The following NCKAP5 variants were observed in gnomAD, a reference collection of about 807,000 sequenced individuals.
NCKAP5 encodes nck-associated protein 5.
Under a neutral mutation model 167.0 loss-of-function variants are expected in NCKAP5, and 92 were observed. The ratio of observed to expected loss-of-function variants is 0.55; its 90% CI spans 0.47 to 0.66. The LOEUF (loss-of-function observed/expected upper bound fraction) is 0.66, where lower values mean the gene tolerates loss of function less well. Among genes scored for constraint, NCKAP5 ranks in the 30% least tolerant of loss-of-function variants. NCKAP5 has a pLI of 0.00. For synonymous variants in NCKAP5, 891 were observed against 877.4 expected (o/e 1.02, Z -0.27); for missense variants, 2,378 against 2,315.0 (o/e 1.03, Z -0.56).
intron 11 of NCKAP5, among the ~76,000 whole-genome samples, chr2:132,847,208 G>T (rs1688727549): frequency 6.6e-6 from 1 of 152,154 alleles, no homozygotes. Flanking sequence ...TTAAAGAGAT[G>T]TGGGAAATAT....
chr2:133,160,053 A>G (rs2083724036), intron 5 of NCKAP5, among the ~76,000 whole-genome samples: 1 of 152,222 alleles, frequency 6.6e-6, no homozygotes, highest in South Asian at 2.1e-4. Flanking sequence ...AGCAATTTGA[A>G]CAAAGATTCA....
At position 132,859,114 on chromosome 2, in the gene NCKAP5, T is replaced by G. The variant is rs558186840; in HGVS notation, c.807+1378A>C. Among the ~76,000 whole-genome samples, 6 of 152,302 alleles carry G rather than the reference T, an allele frequency of 3.9e-5. No individual in the cohort carries two copies. The South Asian group carries it at 1.0e-3, about 26-fold the overall frequency. On this transcript the variant is annotated intron_variant, in intron 11 of 19. Transcript: ENST00000409261. ...AGAAAACAGAATAGAGATAGATGAC[T>G]TCGCTCCCACCCCACAAAATTTTTG... is the stretch of plus-strand genomic sequence containing the variant.
At chr2:132,966,704 G>A (rs1171427803) in intron 7 of NCKAP5, among the ~76,000 whole-genome samples, 3 of 152,032 alleles carry the variant, frequency 2.0e-5, no homozygotes, top group Non-Finnish European at 2.9e-5. Context: ...AACATATACT[G>A]TTGATTCATT....
intron 6 of NCKAP5, among the ~76,000 whole-genome samples, chr2:133,087,365 A>C (rs1056642164): frequency 2.6e-5 from 4 of 152,226 alleles, no homozygotes; most frequent in African/African-American, 9.6e-5. Context: ...TCTCTTTTTC[A>C]ATCAATCCTC....
intron 3 of NCKAP5, among the ~76,000 whole-genome samples, chr2:133,459,513 C>T (rs1692073263): frequency 6.6e-6 from 1 of 152,118 alleles, no homozygotes; most frequent in Non-Finnish European, 1.5e-5. Context: ...TCGGTGTTAT[C>T]TCCAAGTGAA....
chr2:133,218,911 T>C lies in NCKAP5; in HGVS notation c.144-5132A>G, dbSNP rs188086825. On this transcript the variant is annotated intron_variant, in intron 4 of 19. Coordinates refer to ENST00000409261, the MANE Select transcript of NCKAP5 (RefSeq NM_207363.3). ...ATTTGAAAGAAAACCATAATGGTTT[T>C]AGTCATTACATAGTTTTTAAAAAGG... Among the ~76,000 whole-genome samples the C allele has an allele frequency of 2.9e-3, 441 of 152,330 alleles. 3 individuals carry two copies. The highest frequency in any genetic ancestry group is 0.01 in the Middle Eastern group (3 of 294).
intron 16 of NCKAP5, among the ~76,000 whole-genome samples, chr2:132,755,504 T>A (rs1177679999): frequency 6.6e-6 from 1 of 152,070 alleles, no homozygotes; most frequent in Non-Finnish European, 1.5e-5. Flanking sequence ...AAAGATTATA[T>A]CTAGCTACTT....
chr2:133,534,642 C>G (rs1474221611), intron 2 of NCKAP5, among the ~76,000 whole-genome samples: 1 of 152,140 alleles, frequency 6.6e-6, no homozygotes, highest in African/African-American at 2.4e-5. Context: ...CAGGAATCAT[C>G]CATGTTGCAG....
the NCKAP5 span, among the ~76,000 whole-genome samples, chr2:133,576,940 A>G: frequency 4.6e-4 from 70 of 152,302 alleles, 1 homozygote; most frequent in African/African-American, 1.7e-3. Flanking sequence ...TACACTCCAT[A>G]CTTGGAAACC....
At chr2:133,615,503 A>G in the NCKAP5 span, among the ~76,000 whole-genome samples, 4 of 152,190 alleles carry the variant, frequency 2.6e-5, no homozygotes, top group African/African-American at 9.7e-5. Flanking sequence ...TTGCAGTCCT[A>G]CTCTCTGATA....
chr2:133,246,747 C>G lies in NCKAP5; in HGVS notation c.144-32968G>C, dbSNP rs189033725. The stretch of plus-strand genomic sequence containing the variant: ...CAATCAAGAAAGTCTGAACAATATT[C>G]TTCCAGAAGTGGAGTTCTGCAGAAT... On this transcript the variant is annotated intron_variant, in intron 4 of 19. Coordinates refer to ENST00000409261, the MANE Select transcript of NCKAP5 (RefSeq NM_207363.3). Among the ~76,000 whole-genome samples, 165 of 152,320 alleles carry G rather than the reference C, an allele frequency of 1.1e-3. 1 individual carries two copies. The highest frequency in any genetic ancestry group is 3.8e-3 in the African/African-American group (160 of 41,582).
chr2:133,596,581 G>A, the NCKAP5 span, among the ~76,000 whole-genome samples: 1 of 152,220 alleles, frequency 6.6e-6, no homozygotes, highest in Non-Finnish European at 1.5e-5. Context: ...AGAGGGAAGA[G>A]TCGAGGATAA....
chr2:133,184,863 T>C (rs1000112269), intron 5 of NCKAP5, among the ~76,000 whole-genome samples: 1 of 152,218 alleles, frequency 6.6e-6, no homozygotes, highest in African/African-American at 2.4e-5. Context: ...TTCTGGATAT[T>C]AGACCTTCGT....
chr2:132,856,693 T>C (rs1689497398), intron 11 of NCKAP5, among the ~76,000 whole-genome samples: 1 of 152,180 alleles, frequency 6.6e-6, no homozygotes, highest in Non-Finnish European at 1.5e-5. Context: ...GGGAAAATCT[T>C]AGATGCCGCA....
chr2:132,819,150 C>T (rs540867987), intron 11 of NCKAP5, among the ~76,000 whole-genome samples: 2 of 152,254 alleles, frequency 1.3e-5, no homozygotes, highest in African/African-American at 4.8e-5. Flanking sequence ...CTCCCCAACC[C>T]TCTGTCTTAT....
intron 3 of NCKAP5, among the ~76,000 whole-genome samples, chr2:133,361,732 G>C (rs1163122625): frequency 6.6e-6 from 1 of 152,190 alleles, no homozygotes; most frequent in East Asian, 1.9e-4. Flanking sequence ...TCCATTACAA[G>C]AGTCTACAGG....
the NCKAP5 span, among the ~76,000 whole-genome samples, chr2:133,640,010 TAA>T: frequency 4.1e-3 from 621 of 152,294 alleles, 1 homozygote; most frequent in Non-Finnish European, 6.3e-3. Flanking sequence ...GTATAAGGTT[TAA>T]AAATATAGAA....
chr2:133,276,704 G>A (rs1184413095), intron 4 of NCKAP5, among the ~76,000 whole-genome samples: 3 of 151,940 alleles, frequency 2.0e-5, no homozygotes, highest in Non-Finnish European at 2.9e-5. Flanking sequence ...AGCAAATATA[G>A]CATTGATAAT....
At chr2:133,657,338 T>G in the NCKAP5 span, among the ~76,000 whole-genome samples, 1 of 152,230 alleles carries the variant, frequency 6.6e-6, no homozygotes, top group South Asian at 2.1e-4. Context: ...GGGGAGGTGT[T>G]CAAACCATTG....
Sources: gnomAD v4.1 joint callset for allele counts (sites outside exome capture counted in the v4.1 genomes callset) on GRCh38, gnomAD v4.1.1 for gene constraint, MANE v1.5 for transcripts, NCBI Gene and HGNC (gene_info 2026-07-23, HGNC 2026-07-21) for gene names.